The following GRK3 variants were observed in gnomAD, a reference collection of about 807,000 sequenced individuals.
GRK3 encodes G protein-coupled receptor kinase 3, also known as adrenergic, beta, receptor kinase 2.
Under a neutral mutation model 95.7 loss-of-function variants are expected in GRK3, and 54 were observed. That is an observed-to-expected ratio of 0.56 (90% CI 0.45 to 0.71). GRK3 has a LOEUF of 0.71. Ranked by LOEUF, GRK3 falls within the 30% of genes least tolerant of loss-of-function variation. GRK3 has a pLI of 0.00. For synonymous variants in GRK3, 281 were observed against 290.8 expected, an observed-to-expected ratio of 0.97 and a Z score of 0.34; for missense variants, 649 against 851.2, an observed-to-expected ratio of 0.76 and a Z score of 2.96.
At chr22:25,635,571 C>T (rs1407932151) in intron 2 of GRK3, among the ~76,000 whole-genome samples, 1 of 152,072 alleles carries the variant, frequency 6.6e-6, no homozygotes, top group Admixed American at 6.6e-5. Context: ...CTGGACTATC[C>T]CTCAGCTTTC....
intron 1 of GRK3, among the ~76,000 whole-genome samples, chr22:25,583,063 C>T (rs1932158167): frequency 1.3e-5 from 2 of 152,146 alleles, no homozygotes; most frequent in African/African-American, 2.4e-5. Context: ...GCTTAGATAG[C>T]GCATACTTAC....
At chr22:25,586,037 A>G (rs1336407888) in intron 1 of GRK3, among the ~76,000 whole-genome samples, 2 of 152,274 alleles carry the variant, frequency 1.3e-5, no homozygotes, top group Admixed American at 1.3e-4. Context: ...TGTGACCAGA[A>G]TACTTCCAGA....
At chr22:25,604,848 T>A (rs1042162930) in intron 2 of GRK3, among the ~76,000 whole-genome samples, 1 of 152,064 alleles carries the variant, frequency 6.6e-6, no homozygotes, top group African/African-American at 2.4e-5. Context: ...GAAATTAAAG[T>A]TCCCTAGAAC....
intron 2 of GRK3, among the ~76,000 whole-genome samples, chr22:25,614,998 T>C (rs1366936943): frequency 6.6e-6 from 1 of 152,218 alleles, no homozygotes; most frequent in Non-Finnish European, 1.5e-5. Context: ...GACATTCCAG[T>C]ACTGAACAGT....
intron 3 of GRK3, chr22:25,648,724 T>C (rs1271780013): frequency 2.8e-6 from 3 of 1,070,658 alleles, no homozygotes; most frequent in Non-Finnish European, 4.4e-6. Flanking sequence ...CCACAAATGG[T>C]TGATATGCCT....
Position 25,711,140 on chromosome 22 carries a change from G to A in GRK3, c.1468G>A (p.Glu490Lys). 6.2e-7 allele frequency: 1 copy of A among 1,612,248 alleles called. No homozygotes were observed. The stretch of plus-strand genomic sequence containing the variant: ...TGCCTTTGATATTGGCTCATTTGAT[G>A]AAGAGGATACCAAAGGGATTAAGGT... Reference protein sequence around the residue: ...ADAFDIGSFDEEDTKGIKLLD... With the variant: ...ADAFDIGSFDKEDTKGIKLLD... The change falls in exon 17 of 21, where the codon GAA becomes AAA. Residue 490 changes from glutamate to lysine, a missense_variant. Physicochemically the swap from Glu to Lys is moderately conservative, Grantham distance 56. Transcript: ENST00000324198.
At chr22:25,630,752 C>T (rs761163705) in intron 2 of GRK3, among the ~76,000 whole-genome samples, 2 of 152,108 alleles carry the variant, frequency 1.3e-5, no homozygotes, top group South Asian at 2.1e-4. Context: ...AAAATCTCTC[C>T]GTTATCTAAA....
At chr22:25,580,329 C>A (rs1410257942) in intron 1 of GRK3, 3 of 151,676 alleles carry the variant, frequency 2.0e-5, no homozygotes, top group East Asian at 1.9e-4. Flanking sequence ...TGGTTAGATC[C>A]AGATTGAAAC....
At chr22:25,569,973 C>T (rs990126049) in intron 1 of GRK3, among the ~76,000 whole-genome samples, 3 of 152,212 alleles carry the variant, frequency 2.0e-5, no homozygotes, top group African/African-American at 4.8e-5. Flanking sequence ...TCGCCCAGCT[C>T]GGGGTCTTTC....
chr22:25,589,399 A>G (rs1348034273), intron 1 of GRK3, among the ~76,000 whole-genome samples: 2 of 152,208 alleles, frequency 1.3e-5, no homozygotes, highest in Non-Finnish European at 2.9e-5. Context: ...TAGAAAATAA[A>G]TTAAAATTAT....
At chr22:25,586,101 G>A (rs1483966916) in intron 1 of GRK3, among the ~76,000 whole-genome samples, 4 of 152,212 alleles carry the variant, frequency 2.6e-5, no homozygotes, top group African/African-American at 4.8e-5. Flanking sequence ...TTATATCATT[G>A]TGTAGTTTAT....
At chr22:25,606,685 C>T (rs2084451581) in intron 2 of GRK3, among the ~76,000 whole-genome samples, 1 of 152,080 alleles carries the variant, frequency 6.6e-6, no homozygotes. Flanking sequence ...CTTTCCTTAC[C>T]TCCCAAGGTC....
chr22:25,652,252 G>T, intron 3 of GRK3, among the ~76,000 whole-genome samples: 1 of 151,846 alleles, frequency 6.6e-6, no homozygotes, highest in Non-Finnish European at 1.5e-5. Context: ...GGCTAACACA[G>T]TGAAACTCTG....
At chr22:25,643,826 A>T (rs2084760542) in intron 2 of GRK3, among the ~76,000 whole-genome samples, 1 of 152,244 alleles carries the variant, frequency 6.6e-6, no homozygotes, top group African/African-American at 2.4e-5. Flanking sequence ...GTGAACATTT[A>T]TTGGCCACCT....
chr22:25,642,069 T>C (rs978228970), intron 2 of GRK3, among the ~76,000 whole-genome samples: 5 of 152,218 alleles, frequency 3.3e-5, no homozygotes, highest in Admixed American at 1.3e-4. Flanking sequence ...ACTGACAACA[T>C]TGAAAAAAGA....
intron 12 of GRK3, among the ~76,000 whole-genome samples, chr22:25,692,922 T>C (rs994999739): frequency 6.6e-6 from 1 of 152,238 alleles, no homozygotes; most frequent in African/African-American, 2.4e-5. Context: ...CTCAGATCTT[T>C]TCAAAGCTGT....
chr22:25,709,077 G>A (rs1437211392), intron 15 of GRK3, among the ~76,000 whole-genome samples: 1 of 146,692 alleles, frequency 6.8e-6, no homozygotes, highest in East Asian at 2.0e-4. Flanking sequence ...TCGCTCTGTC[G>A]CCCAGGCTGG....
chr22:25,685,292 C>G, intron 10 of GRK3, 44 bp downstream of exon 10: 1 of 1,437,872 alleles, frequency 7.0e-7, no homozygotes, highest in Non-Finnish European at 9.8e-7. Context: ...AAGACTTTGC[C>G]ATGATGTTAA....
At chr22:25,717,492 G>C (rs2085395997) in intron 18 of GRK3, among the ~76,000 whole-genome samples, 1 of 152,146 alleles carries the variant, frequency 6.6e-6, no homozygotes, top group Non-Finnish European at 1.5e-5. Context: ...TGAAGCAGGG[G>C]TTTTTGTCTC....
Sources: gnomAD v4.1 joint callset for allele counts (sites outside exome capture counted in the v4.1 genomes callset) on GRCh38, gnomAD v4.1.1 for gene constraint, MANE v1.5 for transcripts, NCBI Gene and HGNC (gene_info 2026-07-23, HGNC 2026-07-21) for gene names.